The following NALCN variants were observed in gnomAD, a reference collection of about 807,000 sequenced individuals.
NALCN encodes the protein sodium leak channel, non-selective.
In NALCN, 111 loss-of-function variants were observed where a neutral mutation model predicts 225.3. The ratio of observed to expected loss-of-function variants is 0.49; its 90% CI spans 0.42 to 0.58. The LOEUF (loss-of-function observed/expected upper bound fraction) is 0.58, where lower values mean the gene tolerates loss of function less well. Among genes scored for constraint, NALCN ranks in the 20% least tolerant of loss-of-function variants. The probability of loss-of-function intolerance (pLI) is 0.00; values close to 1 mark genes in which losing one functional copy is unlikely to be tolerated. For synonymous variants in NALCN, 764 were observed against 769.0 expected (o/e 0.99, Z 0.11); for missense variants, 1,378 against 2,202.4 (o/e 0.63, Z 7.49).
intron 17 of NALCN, among the ~76,000 whole-genome samples, chr13:101,136,314 A>ATTTATTTATT (rs61142230): frequency 0.27 from 20,299 of 73,998 alleles, 1,418 homozygotes; most frequent in East Asian, 0.41. Flanking sequence ...TTATTTATTT[A>ATTTATTTATT]TATATTATAC....
intron 13 of NALCN, among the ~76,000 whole-genome samples, chr13:101,226,948 G>T (rs932383641): frequency 2.0e-5 from 3 of 152,088 alleles, no homozygotes; most frequent in Non-Finnish European, 4.4e-5. Flanking sequence ...TGCAGGAATG[G>T]CTGGAACCTT....
At chr13:101,159,949 GTTATTTTTATT>G (rs2038082084) in intron 15 of NALCN, among the ~76,000 whole-genome samples, 1 of 119,390 alleles carries the variant, frequency 8.4e-6, no homozygotes, top group Admixed American at 9.3e-5. Flanking sequence ...GTTATTTTTT[GTTATTTTTATT>G]TTATTTTATT....
rs564539876 is a variant in NALCN at position 101,233,766 on chromosome 13, A to G, written c.1434+3989T>C. 2.0e-5 allele frequency among the ~76,000 whole-genome samples: 3 copies of G among 152,284 alleles called. 1 individual carries two copies. The highest frequency in any genetic ancestry group is 2.0e-4 in the Admixed American group (3 of 15,296). ...CTTGTTATGAGAAACAAATGAGACA[A>G]TGCACTCAGCAAGATGCCCGACCCA... is the stretch of plus-strand genomic sequence containing the variant. On this transcript the variant is annotated intron_variant, in intron 12 of 43. Coordinates refer to ENST00000251127, the MANE Select transcript of NALCN (RefSeq NM_052867.4).
At chr13:101,222,656 GC>G (rs1325696911) in intron 13 of NALCN, among the ~76,000 whole-genome samples, 2 of 152,036 alleles carry the variant, frequency 1.3e-5, no homozygotes, top group Non-Finnish European at 2.9e-5. Flanking sequence ...GGGCACATCC[GC>G]CCAACAAGCA....
Position 101,065,504 on chromosome 13 carries a change from C to G in NALCN, c.4504G>C (p.Glu1502Gln). The G allele has an allele frequency of 6.2e-7, 1 of 1,614,184 alleles. No homozygotes were observed. Among genetic ancestry groups the G allele is most frequent in the Non-Finnish European group, 8.5e-7 (1 of 1,180,034 alleles). Reference sequence around the variant, plus strand: ...AGCTTGTCCTTGTCCAGGTCCACCTCCAGCCTCCCACGCAGTAGCCGCAGC... The same window carrying G: ...AGCTTGTCCTTGTCCAGGTCCACCTGCAGCCTCCCACGCAGTAGCCGCAGC... Reference protein sequence around the residue: ...FLLRLLRGRLEVDLDKDKLLF... With the variant: ...FLLRLLRGRLQVDLDKDKLLF... The change falls in exon 40 of 44, where the codon GAG becomes CAG. Residue 1502 changes from glutamate to glutamine, a missense_variant. Glu to Gln is a conservative substitution (Grantham distance 29, BLOSUM62 2). This residue lies in a region of NALCN where 94 missense variants were observed against 170.3 expected (regional missense o/e 0.55). Coordinates refer to ENST00000251127, the MANE Select transcript of NALCN (RefSeq NM_052867.4).
At chr13:101,172,537 G>A (rs1423161109) in intron 15 of NALCN, among the ~76,000 whole-genome samples, 2 of 152,070 alleles carry the variant, frequency 1.3e-5, no homozygotes, top group Non-Finnish European at 2.9e-5. Context: ...GCCCTACTGA[G>A]TGTTGCATGT....
chr13:101,149,230 T>G (rs1237324888), intron 15 of NALCN, among the ~76,000 whole-genome samples: 1 of 151,396 alleles, frequency 6.6e-6, no homozygotes, highest in East Asian at 1.9e-4. Context: ...GAGGTGGAGC[T>G]TACAGTGAGC....
At chr13:101,156,528 C>T (rs941472393) in intron 15 of NALCN, among the ~76,000 whole-genome samples, 1 of 151,716 alleles carries the variant, frequency 6.6e-6, no homozygotes. Flanking sequence ...CATATGTATG[C>T]AGGTATATAT....
At chr13:101,185,704 G>A (rs1247000210) in intron 14 of NALCN, among the ~76,000 whole-genome samples, 1 of 152,172 alleles carries the variant, frequency 6.6e-6, no homozygotes, top group African/African-American at 2.4e-5. Context: ...GAAAATTGGT[G>A]CCCCCAGGGG....
In NALCN at chr13:101,353,310, T is replaced by A. The variant is rs541260601; in HGVS notation, c.645-7890A>T. Among the ~76,000 whole-genome samples, 4 of 152,260 alleles carry A rather than the reference T, an allele frequency of 2.6e-5. No homozygotes were observed. In the East Asian group the frequency reaches 7.7e-4, roughly 29 times the overall value. The stretch of plus-strand genomic sequence containing the variant: ...AAAGCTGACCCCTAGATTGAGAGGT[T>A]TTCCTGGTCATTGCATGTACTTACA... On this transcript the variant is annotated intron_variant, in intron 6 of 43. Coordinates refer to ENST00000251127, the MANE Select transcript of NALCN (RefSeq NM_052867.4).
At chr13:101,378,948 C>T (rs1008533323) in intron 3 of NALCN, among the ~76,000 whole-genome samples, 1 of 151,982 alleles carries the variant, frequency 6.6e-6, no homozygotes, top group Non-Finnish European at 1.5e-5. Context: ...AACCAGAAGC[C>T]ATTGTTCCAA....
At chr13:101,174,143 G>T (rs186334664) in intron 15 of NALCN, among the ~76,000 whole-genome samples, 1 of 152,250 alleles carries the variant, frequency 6.6e-6, no homozygotes, top group East Asian at 1.9e-4. Flanking sequence ...CAGGTTCAAC[G>T]AGTTTCAAGT....
At chr13:101,071,147 G>C (rs2032854551) in intron 37 of NALCN, among the ~76,000 whole-genome samples, 1 of 152,214 alleles carries the variant, frequency 6.6e-6, no homozygotes. Context: ...TACAATTCAA[G>C]ATGAGATTTG....
intron 13 of NALCN, among the ~76,000 whole-genome samples, chr13:101,216,383 CA>C (rs1286103081): frequency 2.0e-5 from 3 of 152,026 alleles, no homozygotes; most frequent in African/African-American, 7.2e-5. Flanking sequence ...AAACACACAT[CA>C]AAATCAGAAA....
intron 26 of NALCN, among the ~76,000 whole-genome samples, chr13:101,101,281 C>CTTTTTTTTTTTTTTT (rs60948311): frequency 8.9e-5 from 10 of 112,364 alleles, no homozygotes; most frequent in East Asian, 2.5e-4. Flanking sequence ...ATTTTTTTTT[C>CTTTTTTTTTTTTTTT]TTTTTTTTTT....
In NALCN at chr13:101,055,472, G is replaced by A; in HGVS notation, c.5040C>T (p.Ser1680=). Residue 1680 remains serine, a synonymous_variant, in exon 44 of 44, where the codon AGC becomes AGT. Coordinates refer to ENST00000251127, the MANE Select transcript of NALCN (RefSeq NM_052867.4). ...WRLPSAPKPI[S]HSVSSVNLRF... is the part of the protein sequence containing the mutation. ...GTAAGTTGACTGAGGACACTGAATG[G>A]CTTATTGGTTTTGGGGCTGTGGAAT... 6.2e-7 allele frequency: 1 copy of A among 1,613,974 alleles called. No individual in the cohort carries two copies. The highest frequency in any genetic ancestry group is 8.5e-7 in the Non-Finnish European group (1 of 1,179,958).
chr13:101,176,804 A>G (rs2038976720), intron 14 of NALCN, among the ~76,000 whole-genome samples: 1 of 152,206 alleles, frequency 6.6e-6, no homozygotes, highest in Admixed American at 6.5e-5. Context: ...ATAGAGATTT[A>G]TGTGATAAGA....
Position 101,055,460 on chromosome 13 carries a change from G to A in NALCN, c.5052C>T (p.Ser1684=). 1.9e-6 allele frequency: 3 copies of A among 1,614,074 alleles called. No homozygotes were observed. The South Asian group carries it at 3.3e-5, about 18-fold the overall frequency. The change falls in exon 44 of 44, where the codon TCC becomes TCT. Residue 1684 remains serine (S), a synonymous_variant. Transcript: ENST00000251127. ...TTCCTCCAAACCGTAAGTTGACTGA[G>A]GACACTGAATGGCTTATTGGTTTTG... is the stretch of plus-strand genomic sequence containing the variant. ...SAPKPISHSV[S]SVNLRFGGRT...
chr13:101,299,089 T>G (rs1029821591), intron 7 of NALCN, among the ~76,000 whole-genome samples: 3 of 152,236 alleles, frequency 2.0e-5, no homozygotes, highest in African/African-American at 7.2e-5. Flanking sequence ...ACATTGCTTA[T>G]TTGTATAAAG....
Sources: allele counts gnomAD v4.1 joint callset (sites outside exome capture counted in the v4.1 genomes callset), GRCh38; gene constraint gnomAD v4.1.1; regional missense constraint gnomAD v4.1.1; transcripts MANE v1.5; gene names NCBI Gene and HGNC (gene_info 2026-07-23, HGNC 2026-07-21).